CMTM2: variants seen among roughly 807,000 people sequenced by gnomAD.
The protein encoded by CMTM2 is CKLF-like MARVEL transmembrane domain-containing protein 2.
A neutral mutation model predicts 16.8 loss-of-function variants in CMTM2; 15 were observed. That is an observed-to-expected ratio of 0.89 (90% CI 0.60 to 1.37). The LOEUF is 1.37. Ranked by LOEUF, CMTM2 falls within the 40% of genes most tolerant of loss-of-function variation. The probability of loss-of-function intolerance (pLI) is 0.00; values close to 1 mark genes in which losing one functional copy is unlikely to be tolerated. For missense variants in CMTM2, 282 were observed against 318.0 expected, an observed-to-expected ratio of 0.89 and a Z score of 0.86; for synonymous variants, 117 against 118.7, an observed-to-expected ratio of 0.99 and a Z score of 0.09.
intron 3 of CMTM2, 68 bp downstream of exon 3, chr16:66,587,166 C>A: frequency 7.8e-7 from 1 of 1,275,922 alleles, no homozygotes; most frequent in Non-Finnish European, 1.1e-6. Context: ...GGGTGTTGTC[C>A]TCTGTTTAAG....
intron 2 of CMTM2, among the ~76,000 whole-genome samples, chr16:66,582,866 T>A (rs918823935): frequency 2.0e-5 from 3 of 151,856 alleles, no homozygotes; most frequent in Admixed American, 2.0e-4. Flanking sequence ...AGAGTGAGAC[T>A]CCATCTCAAA....
At chr16:66,587,214 C>A in intron 3 of CMTM2, 116 bp downstream of exon 3, 2 of 876,896 alleles carry the variant, frequency 2.3e-6, no homozygotes, top group Non-Finnish European at 3.7e-6. Context: ...GTCTTGGGAT[C>A]AAAGCAAAGT....
intron 2 of CMTM2, chr16:66,580,511 A>G (rs1441509339): frequency 1.3e-5 from 4 of 303,898 alleles, no homozygotes; most frequent in Non-Finnish European, 2.5e-5. Flanking sequence ...CTCCTGTGCC[A>G]GCTCACACTT....
Position 66,579,549 on chromosome 16 carries a change from A to G in CMTM2, c.-59A>G. 1 of 1,599,354 alleles carries G rather than the reference A, an allele frequency of 6.3e-7. No homozygotes were observed. Among genetic ancestry groups the G allele is most frequent in the Non-Finnish European group, 8.5e-7 (1 of 1,173,878 alleles). On this transcript the variant is annotated 5_prime_UTR_variant, in exon 1 of 4. Coordinates refer to ENST00000268595, the MANE Select transcript of CMTM2 (RefSeq NM_144673.3). The surrounding 1 kb of genome is among the most constrained non-coding windows in gnomAD (Gnocchi z 6.5). Reference sequence around the variant, plus strand: ...CTCTAGTAGGCCTGGCCTACCCAGAAACAGCAGGAGAGAGAAGAAACAGGC... The same window carrying G: ...CTCTAGTAGGCCTGGCCTACCCAGAGACAGCAGGAGAGAGAAGAAACAGGC...
Position 66,583,554 on chromosome 16 carries a change from A to G in CMTM2, c.444+3370A>G, listed in dbSNP as rs986226208. ...CAGCAACACAAACTACAAGGTGTCT[A>G]AGAATAAACCTACTGAAAGATGTGT... is the stretch of plus-strand genomic sequence containing the variant. On this transcript the variant is annotated intron_variant, in intron 2 of 3. Transcript: ENST00000268595. 6.6e-5 allele frequency among the ~76,000 whole-genome samples: 10 copies of G among 152,292 alleles called. No individual in the cohort carries two copies. In the East Asian group the frequency reaches 1.9e-3, roughly 29 times the overall value.
At chr16:66,586,907 T>C in intron 2 of CMTM2, 90 bp from the exon 3 acceptor site, 3 of 887,584 alleles carry the variant, frequency 3.4e-6, no homozygotes, top group Non-Finnish European at 5.7e-6. Context: ...AATTTGCAAA[T>C]CATTCCTTTG....
chr16:66,587,259 GCCTATAAT>G (rs1240448469), intron 3 of CMTM2, among the ~76,000 whole-genome samples, 161 bp downstream of exon 3: 1 of 152,190 alleles, frequency 6.6e-6, no homozygotes, highest in Non-Finnish European at 1.5e-5. Flanking sequence ...AGTGGTTCAT[GCCTATAAT>G]CCCAGCACTT....
intron 2 of CMTM2, among the ~76,000 whole-genome samples, chr16:66,582,513 C>T (rs1395508066): frequency 1.3e-5 from 2 of 152,136 alleles, no homozygotes; most frequent in African/African-American, 4.8e-5. Flanking sequence ...CCAGACTGGA[C>T]AACATAGGGA....
chr16:66,579,629 G>A lies in CMTM2; in HGVS notation c.22G>A (p.Gly8Arg), dbSNP rs2014681563. The change falls in exon 1 of 4, where the codon GGG becomes AGG. Residue 8 changes from glycine (G) to arginine (R), a missense_variant. Transcript: ENST00000268595. The surrounding 1 kb of genome is among the most constrained non-coding windows in gnomAD (Gnocchi z 6.5). MAPKAAKGAKPEPAPAPP... is the reference protein window; with the variant it reads MAPKAAKRAKPEPAPAPP... The stretch of plus-strand genomic sequence containing the variant: ...AGTCATGGCACCTAAGGCGGCAAAG[G>A]GGGCCAAGCCAGAGCCAGCACCAGC... The A allele has an allele frequency of 6.2e-7, 1 of 1,613,900 alleles. No homozygotes were observed. Among genetic ancestry groups the A allele is most frequent in the Non-Finnish European group, 8.5e-7 (1 of 1,179,870 alleles).
chr16:66,587,800 A>G (rs2144707127), intron 3 of CMTM2, 119 bp from the exon 4 acceptor site: 3 of 1,000,122 alleles, frequency 3.0e-6, no homozygotes, highest in Non-Finnish European at 4.6e-6. Context: ...GATGGTTGAC[A>G]TTTGAGGGGA....
Position 66,588,228 on chromosome 16 carries a change from C to A in CMTM2, c.*109C>A. On this transcript the variant is annotated 3_prime_UTR_variant, in exon 4 of 4. Transcript: ENST00000268595. ...ATGGTTTTCTTTTCCATTTTCATTA[C>A]CACCTTTGCTTGGAAAAGAATGGAT... 1.0e-6 allele frequency: 1 copy of A among 987,338 alleles called. No homozygotes were observed. The highest frequency in any genetic ancestry group is 1.5e-5 in the South Asian group (1 of 65,592). The allele number at this position is 987,338 out of a possible 1,614,324, so 61.2% of individuals were successfully genotyped here. A position where few individuals can be genotyped will look rare whatever the true frequency, so the allele number is the denominator to read the frequency against.
chr16:66,582,537 CA>C (rs1329359099), intron 2 of CMTM2, among the ~76,000 whole-genome samples: 30 of 152,134 alleles, frequency 2.0e-4, no homozygotes, highest in Non-Finnish European at 4.0e-4. Flanking sequence ...CCTGTCTCTA[CA>C]AAAAAATTTA....
chr16:66,586,913 C>G, intron 2 of CMTM2, 84 bp from the exon 3 acceptor site: 1 of 931,876 alleles, frequency 1.1e-6, no homozygotes, highest in South Asian at 1.3e-5. Context: ...CAAATCATTC[C>G]TTTGGAGGAA....
intron 2 of CMTM2, among the ~76,000 whole-genome samples, chr16:66,583,593 G>GAGAT (rs753381299): frequency 1.0e-3 from 154 of 152,016 alleles, no homozygotes; most frequent in Non-Finnish European, 2.8e-4. Context: ...ACACTACATA[G>GAGAT]AGATTATAAG....
chr16:66,586,967 G>T, intron 2 of CMTM2, 30 bp from the exon 3 acceptor site: 32 of 1,552,120 alleles, frequency 2.1e-5, no homozygotes, highest in Non-Finnish European at 2.8e-5. Flanking sequence ...CCTGGCTTTG[G>T]CTGAGGCTGA....
At position 66,586,354 on chromosome 16, in the gene CMTM2, T is replaced by C. The variant is rs9938620; in HGVS notation, c.445-643T>C. On this transcript the variant is annotated intron_variant, in intron 2 of 3. Transcript: ENST00000268595. ...AGTTGTGTATTTATTTAAATGTGTA[T>C]TGGCTGGGCGCTGTGGCCCACACCT... Among the ~76,000 whole-genome samples, 1,383 of 152,202 alleles carry C rather than the reference T, an allele frequency of 9.1e-3. 18 individuals are homozygous for C. Among genetic ancestry groups the C allele is most frequent in the African/African-American group, 0.031 (1,274 of 41,524 alleles).
At chr16:66,584,432 G>C (rs977612486) in intron 2 of CMTM2, among the ~76,000 whole-genome samples, 2 of 152,120 alleles carry the variant, frequency 1.3e-5, no homozygotes, top group Admixed American at 6.5e-5. Context: ...TCAAAGAAAG[G>C]CCATGTGAAA....
At chr16:66,583,149 C>A (rs112306403) in intron 2 of CMTM2, among the ~76,000 whole-genome samples, 101 of 152,260 alleles carry the variant, frequency 6.6e-4, no homozygotes, top group Non-Finnish European at 1.1e-3. Flanking sequence ...GGTTACCAGA[C>A]ACAAAAGCAG....
chr16:66,581,634 C>T (rs1404369904), intron 2 of CMTM2, among the ~76,000 whole-genome samples: 3 of 152,166 alleles, frequency 2.0e-5, no homozygotes, highest in Non-Finnish European at 4.4e-5. Flanking sequence ...AAAGCCAGCG[C>T]CCTGGAAAGA....
Sources: gnomAD v4.1 joint callset for allele counts (sites outside exome capture counted in the v4.1 genomes callset) on GRCh38, gnomAD v4.1.1 for gene constraint, Gnocchi (gnomAD v3.1) non-coding constraint, MANE v1.5 for transcripts, NCBI Gene and HGNC (gene_info 2026-07-23, HGNC 2026-07-21) for gene names.